Variants in SYNE1 observed in about 807,000 individuals in gnomAD.
SYNE1 encodes nesprin-1.
Under a neutral mutation model 1,111.0 loss-of-function variants are expected in SYNE1, and 616 were observed. The observed-to-expected ratio is 0.55, with a 90% confidence interval of 0.52 to 0.59. The LOEUF (loss-of-function observed/expected upper bound fraction) is 0.59. Ranked by LOEUF, SYNE1 falls within the 20% of genes least tolerant of loss-of-function variation. The probability of loss-of-function intolerance (pLI) is 0.00; values close to 1 mark genes in which losing one functional copy is unlikely to be tolerated. For missense variants in SYNE1, 10,006 were observed against 10,417.0 expected, an observed-to-expected ratio of 0.96 and a Z score of 1.72; for synonymous variants, 3,855 against 3,825.8, an observed-to-expected ratio of 1.01 and a Z score of -0.28.
chr6:152,551,518 G>A (rs1217475264), intron 3 of SYNE1, among the ~76,000 whole-genome samples: 2 of 152,108 alleles, frequency 1.3e-5, no homozygotes, highest in Non-Finnish European at 2.9e-5. Flanking sequence ...GGATGGGTTT[G>A]GTCCCTGAGA....
intron 32 of SYNE1, among the ~76,000 whole-genome samples, chr6:152,438,421 C>T (rs530410501): frequency 6.9e-4 from 105 of 152,074 alleles, no homozygotes; most frequent in African/African-American, 2.3e-3. Flanking sequence ...GCAGAGAAAT[C>T]GAAAGAGCAG....
At position 152,401,306 on chromosome 6, in the gene SYNE1, A is replaced by C. The variant is rs757179334; in HGVS notation, c.6861T>G (p.His2287Gln). ...IEADLMQKLE[H>Q]AKEITEVAKG... ...TTGCTACTTCAGTTATTTCTTTGGC[A>C]TGCTCCAGTTTCTGCATTAAGTCTG... The change falls in exon 47 of 146, where the codon CAT becomes CAG. Residue 2287 changes from histidine (H) to glutamine (Q), a missense_variant. Transcript: ENST00000367255. The C allele has an allele frequency of 1.2e-6, 2 of 1,613,866 alleles. No individual in the cohort carries two copies. Among genetic ancestry groups the C allele is most frequent in the Non-Finnish European group, 1.7e-6 (2 of 1,180,028 alleles).
chr6:152,152,825 C>T (rs1450679451), intron 133 of SYNE1, among the ~76,000 whole-genome samples: 3 of 152,068 alleles, frequency 2.0e-5, no homozygotes, highest in African/African-American at 7.2e-5. Context: ...TTTTATAAAA[C>T]ATGTTAGAGC....
At chr6:152,510,126 GT>G in intron 8 of SYNE1, 66 bp downstream of exon 8, 2 of 1,469,024 alleles carry the variant, frequency 1.4e-6, no homozygotes, top group Non-Finnish European at 1.9e-6. Flanking sequence ...ATCATTAGAA[GT>G]TGCAATTAGT....
chr6:152,603,920 CATAT>C (rs2099603799), intron 3 of SYNE1, among the ~76,000 whole-genome samples: 1 of 144,404 alleles, frequency 6.9e-6, no homozygotes, highest in Non-Finnish European at 1.5e-5. Flanking sequence ...TCTATATATA[CATAT>C]ATGTATATGT....
At chr6:152,488,114 C>T (rs949308682) in intron 12 of SYNE1, among the ~76,000 whole-genome samples, 22 of 151,580 alleles carry the variant, frequency 1.5e-4, no homozygotes, top group African/African-American at 5.3e-4. Flanking sequence ...AACACAATGA[C>T]TCTGCATTTG....
In SYNE1 at chr6:152,244,613, C is replaced by A. The variant is rs889774033; in HGVS notation, c.19616G>T (p.Gly6539Val). 1.2e-6 allele frequency: 2 copies of A among 1,613,986 alleles called. No homozygotes were observed. Among genetic ancestry groups the A allele is most frequent in the South Asian group, 1.1e-5 (1 of 91,078 alleles). ...AEDGLKEFDA[G>V]IIELKRRGDK... The stretch of plus-strand genomic sequence containing the variant: ...ACCACGCCTCTTTAATTCAATGATT[C>A]CTGCATCAAATTCTTTGAGTCCATC... Residue 6539 changes from glycine to valine, a missense_variant, in exon 106 of 146, where the codon GGA becomes GTA. By Grantham distance (109) the Gly-to-Val change is moderately radical. Transcript: ENST00000367255.
At chr6:152,630,317 T>C (rs1277576422) in intron 2 of SYNE1, among the ~76,000 whole-genome samples, 2 of 152,072 alleles carry the variant, frequency 1.3e-5, no homozygotes, top group Non-Finnish European at 2.9e-5. Context: ...GAGTATATAC[T>C]AGAAGTAGGA....
chr6:152,325,166 C>A lies in SYNE1; in HGVS notation c.15575G>T (p.Trp5192Leu). The A allele has an allele frequency of 6.2e-7, 1 of 1,614,184 alleles. No homozygotes were observed. Among genetic ancestry groups the A allele is most frequent in the East Asian group, 2.2e-5 (1 of 44,878 alleles). Residue 5192 changes from tryptophan (W) to leucine (L), a missense_variant, in exon 81 of 146, where the codon TGG becomes TTG. Around this residue, in one of 7 missense-constraint regions of SYNE1, gnomAD observed 4,955 missense variants for 5,017.2 expected, o/e 0.99. Transcript: ENST00000367255. ...CTGGGCCACAGCTCGAAGGCGTGTCCAGCGCTGCCAGACGGTGGTCATTGA... is the reference window on the plus strand; with the variant it reads ...CTGGGCCACAGCTCGAAGGCGTGTCAAGCGCTGCCAGACGGTGGTCATTGA... ...SRSMTTVWQR[W>L]TRLRAVAQDQ...
chr6:152,208,081 G>T lies in SYNE1; in HGVS notation c.22715C>A (p.Ala7572Glu), dbSNP rs2076851033. 1 of 1,613,940 alleles carries T rather than the reference G, an allele frequency of 6.2e-7. No homozygotes were observed. Among genetic ancestry groups the T allele is most frequent in the South Asian group, 1.1e-5 (1 of 91,084 alleles). The change falls in exon 125 of 146, where the codon GCA becomes GAA. Residue 7572 changes from alanine to glutamate, a missense_variant. By Grantham distance (107) the Ala-to-Glu change is moderately radical (BLOSUM62 -1). Transcript: ENST00000367255. Reference sequence around the variant, plus strand: ...AACCAACCATTTACGAAGCTTTTCTGCCATCTCCCTATAGCGCTGCCACTG... The same window carrying T: ...AACCAACCATTTACGAAGCTTTTCTTCCATCTCCCTATAGCGCTGCCACTG... ...IRQWQRYREM[A>E]EKLRKWLVEV...
At chr6:152,390,224 C>G in intron 53 of SYNE1, 56 bp downstream of exon 53, 7 of 1,599,742 alleles carry the variant, frequency 4.4e-6, no homozygotes, top group Non-Finnish European at 6.0e-6. Flanking sequence ...ACTGCTCCAT[C>G]ATTTTACTAA....
chr6:152,422,568 T>C (rs2098281769), intron 39 of SYNE1, among the ~76,000 whole-genome samples: 1 of 152,186 alleles, frequency 6.6e-6, no homozygotes, highest in South Asian at 2.1e-4. Flanking sequence ...AGTGCTGTGA[T>C]CACAGCTCCT....
At position 152,140,784 on chromosome 6, in the gene SYNE1, A is replaced by T. The variant is rs538155100; in HGVS notation, c.25246+419T>A. On this transcript the variant is annotated intron_variant, in intron 139 of 145. Coordinates refer to ENST00000367255, the MANE Select transcript of SYNE1 (RefSeq NM_182961.4). The stretch of plus-strand genomic sequence containing the variant: ...TGTGGTGGCTCACGCCTGTAATCCC[A>T]GCACTTTGGGAGGCCGAGGCGGGTG... 2.9e-4 allele frequency among the ~76,000 whole-genome samples: 44 copies of T among 152,328 alleles called. 2 individuals carry two copies. The highest frequency in any genetic ancestry group is 2.5e-3 in the South Asian group (12 of 4,824).
At chr6:152,444,996 A>C (rs1189281101) in intron 29 of SYNE1, among the ~76,000 whole-genome samples, 3 of 152,038 alleles carry the variant, frequency 2.0e-5, no homozygotes, top group Non-Finnish European at 2.9e-5. Context: ...ATTCTTTCTC[A>C]TATTACTCAG....
chr6:152,631,033 T>C (rs2099697047), intron 2 of SYNE1, among the ~76,000 whole-genome samples: 1 of 152,196 alleles, frequency 6.6e-6, no homozygotes, highest in Non-Finnish European at 1.5e-5. Context: ...AAGGTGGATA[T>C]GACACAGAGA....
chr6:152,321,990 T>C lies in SYNE1; in HGVS notation c.15918-104A>G, dbSNP rs187937165. 2.5e-5 allele frequency: 32 copies of C among 1,289,014 alleles called. No homozygotes were observed. In the African/African-American group the frequency reaches 4.5e-4, roughly 18 times the overall value. The allele number at this position is 1,289,014 out of a possible 1,614,324, so 79.8% of individuals were successfully genotyped here. The stretch of plus-strand genomic sequence containing the variant: ...ATATATAGAAATGGGAAACCTAGTA[T>C]CTTTTTTGAAAGAAAAGACACTTCC... On this transcript the variant is annotated intron_variant, in intron 82 of 145. Coordinates refer to ENST00000367255, the MANE Select transcript of SYNE1 (RefSeq NM_182961.4).
In SYNE1 at chr6:152,354,648, A is replaced by G. The variant is rs746751899; in HGVS notation, c.10926+11T>C. 1.2e-6 allele frequency: 2 copies of G among 1,614,080 alleles called. No individual in the cohort carries two copies. The highest frequency in any genetic ancestry group is 2.2e-5 in the East Asian group (1 of 44,890). On this transcript the variant is annotated intron_variant, in intron 67 of 145. Transcript: ENST00000367255. Reference sequence around the variant, plus strand: ...GCTTTGACAAAGATCAGGAATCTACATGAGTTGTACCTTCATCTGATGTAA... The same window carrying G: ...GCTTTGACAAAGATCAGGAATCTACGTGAGTTGTACCTTCATCTGATGTAA...
chr6:152,510,428 T>C, intron 7 of SYNE1, 57 bp from the exon 8 acceptor site: 2 of 1,573,904 alleles, frequency 1.3e-6, no homozygotes, highest in Non-Finnish European at 1.7e-6. Flanking sequence ...TATTATTTCC[T>C]CAGATGTTTT....
At chr6:152,158,078 G>T (rs557678657) in intron 131 of SYNE1, among the ~76,000 whole-genome samples, 1 of 152,242 alleles carries the variant, frequency 6.6e-6, no homozygotes. Context: ...TTAATGTAGG[G>T]CAGAAGTAAA....
Sources: gnomAD v4.1 joint callset for allele counts (sites outside exome capture counted in the v4.1 genomes callset) on GRCh38, gnomAD v4.1.1 for gene constraint, gnomAD v4.1.1 regional missense constraint, MANE v1.5 for transcripts, NCBI Gene and HGNC (gene_info 2026-07-23, HGNC 2026-07-21) for gene names.